Variants in DLG2 observed in about 807,000 individuals in gnomAD.
DLG2 encodes the protein disks large homolog 2.
A neutral mutation model predicts 132.5 loss-of-function variants in DLG2; 45 were observed. That is an observed-to-expected ratio of 0.34 (90% confidence interval 0.27 to 0.44). The LOEUF is 0.44. Ranked by LOEUF, DLG2 falls within the 20% of genes least tolerant of loss-of-function variation. DLG2 has a pLI of 1.00. For synonymous variants in DLG2, 424 were observed against 419.6 expected (o/e 1.01, Z -0.13); for missense variants, 1,045 against 1,196.9 (o/e 0.87, Z 1.87).
intron 7 of DLG2, among the ~76,000 whole-genome samples, chr11:84,318,406 C>T (rs2098381271): frequency 6.6e-6 from 1 of 152,170 alleles, no homozygotes; most frequent in Non-Finnish European, 1.5e-5. Flanking sequence ...AGTTACCATC[C>T]ATGCAGTACC....
At chr11:84,076,179 T>C (rs961192046) in intron 10 of DLG2, among the ~76,000 whole-genome samples, 3 of 152,174 alleles carry the variant, frequency 2.0e-5, no homozygotes, top group Non-Finnish European at 4.4e-5. Flanking sequence ...GTTTGAAGCA[T>C]GGTAGACTAG....
chr11:83,627,622 A>G (rs1462446905), intron 19 of DLG2, among the ~76,000 whole-genome samples: 3 of 152,224 alleles, frequency 2.0e-5, no homozygotes, highest in Non-Finnish European at 4.4e-5. Context: ...GTTGGTGGAC[A>G]TTTGGATTGG....
At chr11:84,139,382 T>C (rs774897016) in intron 9 of DLG2, among the ~76,000 whole-genome samples, 11 of 151,848 alleles carry the variant, frequency 7.2e-5, no homozygotes, top group Non-Finnish European at 1.2e-4. Context: ...GGAAACCATA[T>C]AGGAAATAGT....
chr11:84,556,740 A>G (rs2099412695), intron 6 of DLG2, among the ~76,000 whole-genome samples: 1 of 152,200 alleles, frequency 6.6e-6, no homozygotes, highest in Admixed American at 6.5e-5. Flanking sequence ...GTGATTAAAA[A>G]TTATATTTCA....
intron 3 of DLG2, among the ~76,000 whole-genome samples, chr11:85,291,662 G>A (rs1026363758): frequency 6.7e-6 from 1 of 148,450 alleles, no homozygotes; most frequent in African/African-American, 2.5e-5. Flanking sequence ...TCGGCTCACT[G>A]CAATCTCCGC....
chr11:84,788,503 G>C (rs7927557), intron 6 of DLG2, among the ~76,000 whole-genome samples: 2,161 of 152,060 alleles, frequency 0.014, 51 homozygotes, highest in African/African-American at 0.049. Flanking sequence ...ATACCTTTGA[G>C]TGCATTTTCT....
intron 6 of DLG2, among the ~76,000 whole-genome samples, chr11:84,573,731 G>C (rs2099491476): frequency 6.6e-6 from 1 of 152,132 alleles, no homozygotes; most frequent in Non-Finnish European, 1.5e-5. Context: ...AGGAAAACCA[G>C]ATGTCATGGG....
At chr11:84,204,296 T>C (rs913427209) in intron 8 of DLG2, among the ~76,000 whole-genome samples, 11 of 152,218 alleles carry the variant, frequency 7.2e-5, no homozygotes, top group Non-Finnish European at 1.5e-4. Flanking sequence ...TTTGTGGGGA[T>C]GTACAGCATA....
In DLG2 at chr11:83,556,860, A is replaced by G. The variant is rs1256771048; in HGVS notation, c.1941-15002T>C. The stretch of plus-strand genomic sequence containing the variant: ...AAGGCAAGCTGGGATGATGCGGGGA[A>G]GATGACTAGACAAGGAACCAGAGGT... On this transcript the variant is annotated intron_variant, in intron 19 of 27. Coordinates refer to ENST00000376104, the MANE Select transcript of DLG2 (RefSeq NM_001142699.3). Among the ~76,000 whole-genome samples the G allele has an allele frequency of 2.6e-5, 4 of 152,234 alleles. No homozygotes were observed. The East Asian group carries it at 5.8e-4, about 22-fold the overall frequency.
chr11:84,179,955 C>T (rs1004627832), intron 8 of DLG2, among the ~76,000 whole-genome samples: 1 of 152,062 alleles, frequency 6.6e-6, no homozygotes, highest in Non-Finnish European at 1.5e-5. Flanking sequence ...ACTACATTAC[C>T]AAAGATCTAT....
chr11:83,871,677 T>C (rs2063478365), intron 16 of DLG2, among the ~76,000 whole-genome samples: 2 of 132,336 alleles, frequency 1.5e-5, no homozygotes, highest in South Asian at 4.9e-4. Flanking sequence ...TGGGCATGTA[T>C]AGCACAAATT....
intron 3 of DLG2, among the ~76,000 whole-genome samples, chr11:85,333,893 T>A (rs960911050): frequency 3.9e-5 from 6 of 152,032 alleles, no homozygotes; most frequent in Admixed American, 1.3e-4. Flanking sequence ...AGTTGGTTTT[T>A]TTTTTTCACT....
chr11:83,581,677 G>A (rs2096979083), intron 19 of DLG2, among the ~76,000 whole-genome samples: 1 of 152,190 alleles, frequency 6.6e-6, no homozygotes, highest in Non-Finnish European at 1.5e-5. Context: ...AAGATCCTAT[G>A]TGGAAGTTTT....
chr11:85,270,630 T>G (rs979992853), intron 4 of DLG2, among the ~76,000 whole-genome samples: 1 of 152,208 alleles, frequency 6.6e-6, no homozygotes, highest in Non-Finnish European at 1.5e-5. Flanking sequence ...TGAATGCATT[T>G]GACCAAAATG....
rs986747006 is a variant in DLG2, at chr11:83,848,962, C to T, written c.1566-15192G>A. On this transcript the variant is annotated intron_variant, in intron 16 of 27. Transcript: ENST00000376104. Reference sequence around the variant, plus strand: ...TTATTTGGGGGCATTATAGCACTATCACTTAAAAATAGATACAGATATACG... The same window carrying T: ...TTATTTGGGGGCATTATAGCACTATTACTTAAAAATAGATACAGATATACG... Among the ~76,000 whole-genome samples the T allele has an allele frequency of 1.4e-4, 22 of 152,208 alleles. 1 individual carries two copies. The highest frequency in any genetic ancestry group is 4.3e-4 in the African/African-American group (18 of 41,466).
chr11:84,922,383 A>G (rs1220716548), intron 6 of DLG2, among the ~76,000 whole-genome samples: 4 of 152,184 alleles, frequency 2.6e-5, no homozygotes, highest in African/African-American at 9.7e-5. Context: ...ACAGTGTCAG[A>G]AAACCTTCTC....
intron 11 of DLG2, among the ~76,000 whole-genome samples, chr11:84,053,931 T>C (rs1179388419): frequency 6.6e-6 from 1 of 152,022 alleles, no homozygotes; most frequent in East Asian, 1.9e-4. Context: ...AAAGTATGTA[T>C]CTATAGAGAT....
At chr11:85,351,398 T>C (rs2083276404) in intron 3 of DLG2, among the ~76,000 whole-genome samples, 1 of 152,202 alleles carries the variant, frequency 6.6e-6, no homozygotes, top group Non-Finnish European at 1.5e-5. Flanking sequence ...TGAATACCCT[T>C]TATTTCCTGC....
At chr11:84,162,349 C>T (rs1596388569) in intron 9 of DLG2, among the ~76,000 whole-genome samples, 1 of 151,636 alleles carries the variant, frequency 6.6e-6, no homozygotes, top group African/African-American at 2.4e-5. Flanking sequence ...TTTGTGTCTA[C>T]TGAATTATAT....
Sources: allele counts gnomAD v4.1 joint callset (sites outside exome capture counted in the v4.1 genomes callset), GRCh38; gene constraint gnomAD v4.1.1; transcripts MANE v1.5; gene names NCBI Gene and HGNC (gene_info 2026-07-23, HGNC 2026-07-21).